The following GNA12 variants were observed in gnomAD, a reference collection of about 807,000 sequenced individuals.
GNA12 encodes G protein subunit alpha 12.
Under a neutral mutation model 26.0 loss-of-function variants are expected in GNA12, and 9 were observed. The ratio of observed to expected loss-of-function variants is 0.35; its 90% confidence interval spans 0.21 to 0.60. GNA12 has a LOEUF of 0.60. Ranked by LOEUF, GNA12 falls within the 20% of genes least tolerant of loss-of-function variation. GNA12 has a pLI of 0.78. For synonymous variants in GNA12, 264 were observed against 219.6 expected, an observed-to-expected ratio of 1.20 and a Z score of -1.79; for missense variants, 405 against 525.8, an observed-to-expected ratio of 0.77 and a Z score of 2.25.
rs114087254 is a variant in GNA12 at position 2,819,175 on chromosome 7, T to C, written c.310-24032A>G. On this transcript the variant is annotated intron_variant, in intron 1 of 3. Coordinates refer to ENST00000275364, the MANE Select transcript of GNA12 (RefSeq NM_007353.3). ...GAGTTGCAGGGGCTGCAAGCAAGAC[T>C]GGAGGGAGGCCTCCAGGAGCCGAGG... 9.2e-3 allele frequency among the ~76,000 whole-genome samples: 1,397 copies of C among 152,004 alleles called. 16 individuals are homozygous for C. Among genetic ancestry groups the C allele is most frequent in the African/African-American group, 0.032 (1,317 of 41,430 alleles).
chr7:2,835,581 G>C, intron 1 of GNA12: 1 of 563,248 alleles, frequency 1.8e-6, no homozygotes, highest in Non-Finnish European at 3.3e-6. Context: ...CGCGCTTGGG[G>C]GCAAAGTCCC....
intron 1 of GNA12, among the ~76,000 whole-genome samples, chr7:2,820,142 A>G (rs1214300190): frequency 2.0e-5 from 3 of 152,240 alleles, no homozygotes; most frequent in African/African-American, 7.2e-5. Context: ...TTCCATTTAC[A>G]TAAAATGTTC....
At chr7:2,775,659 G>C (rs920008709) in intron 2 of GNA12, among the ~76,000 whole-genome samples, 2 of 152,160 alleles carry the variant, frequency 1.3e-5, no homozygotes, top group South Asian at 2.1e-4. Flanking sequence ...CTAACGTGAC[G>C]GGCTTTCTTA....
intron 1 of GNA12, 83 bp from the exon 2 acceptor site, chr7:2,795,226 T>C (rs955612091): frequency 6.9e-5 from 70 of 1,009,926 alleles, no homozygotes; most frequent in South Asian, 9.8e-5. Flanking sequence ...TGGGCATCCA[T>C]TGTCATAACG....
chr7:2,806,952 T>C (rs1306648266), intron 1 of GNA12, among the ~76,000 whole-genome samples: 1 of 152,232 alleles, frequency 6.6e-6, no homozygotes, highest in Non-Finnish European at 1.5e-5. Flanking sequence ...ACACACATTT[T>C]TGAGGTTTTG....
intron 2 of GNA12, among the ~76,000 whole-genome samples, chr7:2,785,268 A>G (rs1360752277): frequency 6.6e-6 from 1 of 152,182 alleles, no homozygotes; most frequent in Non-Finnish European, 1.5e-5. Context: ...GCATGAGACT[A>G]CCCAGGCTAC....
At chr7:2,811,683 C>A (rs1349827713) in intron 1 of GNA12, among the ~76,000 whole-genome samples, 2 of 152,212 alleles carry the variant, frequency 1.3e-5, no homozygotes, top group Non-Finnish European at 2.9e-5. Flanking sequence ...TCTGGTTAAA[C>A]CCTAGCCGCC....
intron 2 of GNA12, among the ~76,000 whole-genome samples, chr7:2,747,930 T>C (rs1790847352): frequency 6.6e-6 from 1 of 151,214 alleles, no homozygotes; most frequent in African/African-American, 2.4e-5. Flanking sequence ...GAGAATAAAA[T>C]ACCTAGGAAT....
chr7:2,741,350 G>C (rs1262049158), intron 2 of GNA12, among the ~76,000 whole-genome samples: 1 of 152,100 alleles, frequency 6.6e-6, no homozygotes, highest in Non-Finnish European at 1.5e-5. Flanking sequence ...GTGAGACACT[G>C]TCTCTTAAAA....
At chr7:2,777,380 G>A (rs773236514) in intron 2 of GNA12, among the ~76,000 whole-genome samples, 1 of 152,230 alleles carries the variant, frequency 6.6e-6, no homozygotes, top group Non-Finnish European at 1.5e-5. Flanking sequence ...AAAGGGCGAA[G>A]CTATATGTTT....
Position 2,795,340 on chromosome 7 carries a change from C to G in GNA12, c.310-197G>C, listed in dbSNP as rs180849921. Among the ~76,000 whole-genome samples the G allele has an allele frequency of 1.3e-4, 20 of 152,288 alleles. No homozygotes were observed. In the East Asian group the frequency reaches 3.9e-3, roughly 29 times the overall value. ...TCTCAGCAGTATAACCTCACCAAGA[C>G]AGACGCACATGGCCGAGAGCAGTGG... On this transcript the variant is annotated intron_variant, in intron 1 of 3. Transcript: ENST00000275364.
chr7:2,798,500 G>A (rs1033542806), intron 1 of GNA12, among the ~76,000 whole-genome samples: 1 of 152,156 alleles, frequency 6.6e-6, no homozygotes, highest in Admixed American at 6.6e-5. Flanking sequence ...GCTGAAAACT[G>A]CAAAATGTTG....
intron 2 of GNA12, among the ~76,000 whole-genome samples, chr7:2,743,983 C>T (rs150068136): frequency 2.2e-4 from 33 of 152,320 alleles, no homozygotes; most frequent in Middle Eastern, 3.4e-3. Flanking sequence ...GGGGTACCCA[C>T]CATTGCCGAG....
chr7:2,837,373 G>GT (rs1778868835), intron 1 of GNA12, among the ~76,000 whole-genome samples: 1 of 152,348 alleles, frequency 6.6e-6, no homozygotes, highest in East Asian at 1.9e-4. Context: ...GCTAACAGCC[G>GT]TATGTCAGAG....
intron 1 of GNA12, among the ~76,000 whole-genome samples, chr7:2,827,602 G>T (rs552791484): frequency 2.0e-5 from 3 of 152,258 alleles, no homozygotes; most frequent in East Asian, 3.9e-4. Flanking sequence ...GTGGGGCTGG[G>T]CTGGTCCGTG....
Position 2,761,525 on chromosome 7 carries a change from C to T in GNA12, c.526-28024G>A, listed in dbSNP as rs551673251. On this transcript the variant is annotated intron_variant, in intron 2 of 3. Coordinates refer to ENST00000275364, the MANE Select transcript of GNA12 (RefSeq NM_007353.3). Reference sequence around the variant, plus strand: ...TGCAATTCAGGATGACTAAAAAGAGCTGGAACGGACAGCATCGCCCTCCAG... The same window carrying T: ...TGCAATTCAGGATGACTAAAAAGAGTTGGAACGGACAGCATCGCCCTCCAG... 5.9e-5 allele frequency among the ~76,000 whole-genome samples: 9 copies of T among 152,336 alleles called. No homozygotes were observed. The South Asian group carries it at 1.7e-3, about 28-fold the overall frequency.
At chr7:2,782,046 A>C (rs1180791722) in intron 2 of GNA12, among the ~76,000 whole-genome samples, 1 of 152,232 alleles carries the variant, frequency 6.6e-6, no homozygotes, top group Non-Finnish European at 1.5e-5. Flanking sequence ...GAATGCCATT[A>C]AATGGGGAAA....
intron 2 of GNA12, among the ~76,000 whole-genome samples, chr7:2,745,680 G>C (rs1048279633): frequency 6.6e-6 from 1 of 152,076 alleles, no homozygotes; most frequent in African/African-American, 2.4e-5. Flanking sequence ...TATTAACTTT[G>C]AATGTAAATG....
chr7:2,768,866 G>A (rs1013699287), intron 2 of GNA12, among the ~76,000 whole-genome samples: 2 of 152,062 alleles, frequency 1.3e-5, no homozygotes, highest in South Asian at 4.1e-4. Context: ...TATATAAATG[G>A]GATAAACTAC....
Sources: allele counts gnomAD v4.1 joint callset (sites outside exome capture counted in the v4.1 genomes callset), GRCh38; gene constraint gnomAD v4.1.1; transcripts MANE v1.5; gene names NCBI Gene and HGNC (gene_info 2026-07-23, HGNC 2026-07-21).